Variants in SPATA31H1 observed in about 807,000 individuals in gnomAD.
SPATA31H1 encodes the protein SPATA31 subfamily H member 1.
At chr2:27,571,354 C>T in the SPATA31H1 span, 5 of 398,238 alleles carry the variant, frequency 1.3e-5, no homozygotes, top group African/African-American at 8.2e-5. Flanking sequence ...ATGGAGATAA[C>T]CTTCCCACAG....
chr2:27,559,738 T>A, the SPATA31H1 span, among the ~76,000 whole-genome samples: 1 of 152,184 alleles, frequency 6.6e-6, no homozygotes, highest in African/African-American at 2.4e-5. Context: ...AGTAAGCCCA[T>A]CCATTTCAGT....
chr2:27,569,093 G>A, the SPATA31H1 span: 1 of 398,974 alleles, frequency 2.5e-6, no homozygotes, highest in Non-Finnish European at 4.4e-6. Flanking sequence ...CTGTGGAGAT[G>A]AGCTCAGTGT....
At chr2:27,564,141 T>C in the SPATA31H1 span, among the ~76,000 whole-genome samples, 2 of 152,226 alleles carry the variant, frequency 1.3e-5, no homozygotes, top group Admixed American at 1.3e-4. Context: ...ACACAGTGGG[T>C]ATAAATTAGA....
the SPATA31H1 span, chr2:27,575,204 T>C: frequency 2.5e-6 from 1 of 398,552 alleles, no homozygotes; most frequent in Non-Finnish European, 4.4e-6. This position sits in a 1 kb window ranked among gnomAD's most constrained non-coding sequence, Gnocchi z 4.1. Flanking sequence ...AATTGCAGGT[T>C]GCAAAACTCT....
At chr2:27,540,019 A>C in the SPATA31H1 span, among the ~76,000 whole-genome samples, 1 of 83,974 alleles carries the variant, frequency 1.2e-5, no homozygotes, top group African/African-American at 4.6e-5. Flanking sequence ...CGGGGGGCTG[A>C]CCCCCCCACC....
chr2:27,556,846 C>T, the SPATA31H1 span, among the ~76,000 whole-genome samples: 1 of 109,672 alleles, frequency 9.1e-6, no homozygotes, highest in African/African-American at 3.6e-5. Context: ...AGGCAGAGGA[C>T]CCTGCGGCCT....
the SPATA31H1 span, chr2:27,579,625 C>G: frequency 6.2e-7 from 1 of 1,614,194 alleles, no homozygotes. Flanking sequence ...ATGCCTGTCT[C>G]ATGTGCAGGG....
the SPATA31H1 span, among the ~76,000 whole-genome samples, chr2:27,544,686 C>T: frequency 1.3e-5 from 2 of 151,724 alleles, no homozygotes; most frequent in African/African-American, 4.9e-5. Context: ...AGATGCATGC[C>T]ACCATGCCTG....
At chr2:27,578,878 A>C in the SPATA31H1 span, 1 of 1,614,028 alleles carries the variant, frequency 6.2e-7, no homozygotes, top group Non-Finnish European at 8.5e-7. Context: ...GATATAAAAA[A>C]CCCTGGGACA....
the SPATA31H1 span, chr2:27,569,315 G>T: frequency 3.8e-5 from 15 of 398,872 alleles, no homozygotes; most frequent in Admixed American, 4.8e-4. Context: ...TTACTGAGTT[G>T]TCAGAGATAC....
chr2:27,567,228 C>T, the SPATA31H1 span: 9 of 619,628 alleles, frequency 1.5e-5, no homozygotes, highest in African/African-American at 5.6e-5. Context: ...GGAGAGACCA[C>T]GACTTCCAAG....
the SPATA31H1 span, among the ~76,000 whole-genome samples, chr2:27,561,997 G>A: frequency 6.6e-6 from 1 of 152,102 alleles, no homozygotes; most frequent in Non-Finnish European, 1.5e-5. Context: ...CACTTTGCCC[G>A]ATTCCCATCA....
chr2:27,580,693 AG>A, the SPATA31H1 span: 1 of 1,614,234 alleles, frequency 6.2e-7, no homozygotes, highest in Admixed American at 1.7e-5. Context: ...GTTGGGCGGA[AG>A]CCTGTGGACG....
the SPATA31H1 span, chr2:27,578,182 T>C: frequency 5.6e-6 from 9 of 1,613,982 alleles, no homozygotes; most frequent in South Asian, 6.6e-5. Flanking sequence ...CCTCAAATGG[T>C]AGAATATATT....
the SPATA31H1 span, among the ~76,000 whole-genome samples, chr2:27,554,571 T>TTTTTGTTTTGTTTTG: frequency 3.4e-4 from 52 of 150,768 alleles, no homozygotes; most frequent in South Asian, 6.5e-3. Context: ...GAGTTTTTTG[T>TTTTTGTTTTGTTTTG]TTTTGTTTTG....
the SPATA31H1 span, chr2:27,576,123 G>T: frequency 2.5e-6 from 1 of 402,164 alleles, no homozygotes; most frequent in South Asian, 1.2e-4. Context: ...GCAATGTATA[G>T]ATTCTATGGA....
chr2:27,569,201 A>G, the SPATA31H1 span: 1 of 399,048 alleles, frequency 2.5e-6, no homozygotes, highest in Non-Finnish European at 4.4e-6. Context: ...TGGATTTGAT[A>G]CCAGGATCAG....
the SPATA31H1 span, among the ~76,000 whole-genome samples, chr2:27,539,771 GC>G: frequency 1.8e-5 from 1 of 55,204 alleles, no homozygotes; most frequent in Non-Finnish European, 3.2e-5. Context: ...CCCGGACGGG[GC>G]GGCTGGCCAG....
the SPATA31H1 span, among the ~76,000 whole-genome samples, chr2:27,560,989 G>GT: frequency 6.6e-6 from 1 of 152,176 alleles, no homozygotes; most frequent in Non-Finnish European, 1.5e-5. Flanking sequence ...TTAGGAGTGA[G>GT]TGGTAGATTT....
Sources: gnomAD v4.1 joint callset for allele counts (sites outside exome capture counted in the v4.1 genomes callset) on GRCh38, gnomAD v4.1.1 for gene constraint, Gnocchi (gnomAD v3.1) non-coding constraint, MANE v1.5 for transcripts, NCBI Gene and HGNC (gene_info 2026-07-23, HGNC 2026-07-21) for gene names.